The following AMOTL2 variants were observed in gnomAD, a reference collection of about 807,000 sequenced individuals.
The protein encoded by AMOTL2 is angiomotin-like protein 2.
A neutral mutation model predicts 78.4 loss-of-function variants in AMOTL2; 33 were observed. That is an observed-to-expected ratio of 0.42 (90% confidence interval 0.32 to 0.56). The LOEUF is 0.56. Ranked by LOEUF, AMOTL2 falls within the 20% of genes least tolerant of loss-of-function variation. The probability of loss-of-function intolerance (pLI) is 0.12; values close to 1 mark genes in which losing one functional copy is unlikely to be tolerated. For missense variants in AMOTL2, 983 were observed against 1,030.1 expected (o/e 0.95, Z 0.63); for synonymous variants, 422 against 428.8 (o/e 0.98, Z 0.20).
upstream of AMOTL2, chr3:134,374,808 C>G (rs1297896296): frequency 1.2e-5 from 12 of 1,042,804 alleles, no homozygotes; most frequent in Non-Finnish European, 1.3e-5. Flanking sequence ...AGTCGCCGAC[C>G]CGCTCTCACC....
At position 134,367,640 on chromosome 3, in the gene AMOTL2, G is replaced by C; in HGVS notation, c.898C>G (p.Gln300Glu). ...PPAVEGPVSAQASSATSGSAH... is the reference protein window; with the variant it reads ...PPAVEGPVSAEASSATSGSAH... The stretch of plus-strand genomic sequence containing the variant: ...CTGCCCGAGGTGGCTGAGGAGGCCT[G>C]GGCACTCACTGGCCCCTCCACAGCA... The change falls in exon 3 of 10, where the codon CAG (glutamine) becomes GAG (glutamate). Residue 300 changes from glutamine to glutamate, a missense_variant. Physicochemically the swap from Gln to Glu is conservative, Grantham distance 29. Coordinates refer to ENST00000249883, the MANE Select transcript of AMOTL2 (RefSeq NM_016201.4). 1 of 1,613,392 alleles carries C rather than the reference G, an allele frequency of 6.2e-7. No individual in the cohort carries two copies. Among genetic ancestry groups the C allele is most frequent in the South Asian group, 1.1e-5 (1 of 91,066 alleles).
chr3:134,363,704 T>C (rs2017474581), intron 5 of AMOTL2, among the ~76,000 whole-genome samples: 2 of 152,164 alleles, frequency 1.3e-5, no homozygotes, highest in Non-Finnish European at 2.9e-5. Flanking sequence ...GCATTGGTGA[T>C]AATGGCCACA....
Position 134,357,307 on chromosome 3 carries a change from C to T in AMOTL2, c.*398G>A, listed in dbSNP as rs747507248. 9.4e-6 allele frequency: 2 copies of T among 212,730 alleles called. No individual in the cohort carries two copies. Among genetic ancestry groups the T allele is most frequent in the Non-Finnish European group, 9.6e-6 (1 of 104,336 alleles). 13.2% of individuals were successfully genotyped at this position (212,730 alleles called of 1,614,324 possible). A position where few individuals can be genotyped will look rare whatever the true frequency, so the allele number is the denominator to read the frequency against. On this transcript the variant is annotated 3_prime_UTR_variant, in exon 10 of 10. Transcript: ENST00000249883. ...AGTCCACCTGGTGTCCACGGGCAGCCGTCCGTGGAAATTAGTTCCCCAAAC... is the reference window on the plus strand; with the variant it reads ...AGTCCACCTGGTGTCCACGGGCAGCTGTCCGTGGAAATTAGTTCCCCAAAC...
chr3:134,373,527 T>C, intron 1 of AMOTL2: 1 of 985,598 alleles, frequency 1.0e-6, no homozygotes, highest in Non-Finnish European at 1.2e-6. Flanking sequence ...TCTGCTGCAC[T>C]CGCCCGCTGC....
chr3:134,357,404 G>A lies in AMOTL2; in HGVS notation c.*301C>T, dbSNP rs547850825. ...AGGGAGCTCAGCTCCTTTCTGAGCT[G>A]TCAGTTGCTACCCCAGTAGCAGGCC... On this transcript the variant is annotated 3_prime_UTR_variant, in exon 10 of 10. Coordinates refer to ENST00000249883, the MANE Select transcript of AMOTL2 (RefSeq NM_016201.4). The A allele has an allele frequency of 5.2e-6, 2 of 382,894 alleles. No homozygotes were observed. The highest frequency in any genetic ancestry group is 9.7e-6 in the Non-Finnish European group (2 of 205,170). 23.7% of individuals were successfully genotyped at this position (382,894 alleles called of 1,614,324 possible).
In AMOTL2 at chr3:134,367,870, G is replaced by A. The variant is rs183696520; in HGVS notation, c.735-67C>T. 1,000 of 1,487,192 alleles carry A rather than the reference G, an allele frequency of 6.7e-4. 4 individuals carry two copies. The highest frequency in any genetic ancestry group is 3.4e-4 in the East Asian group (15 of 43,726). The allele number at this position is 1,487,192 out of a possible 1,614,324, so 92.1% of individuals were successfully genotyped here. On this transcript the variant is annotated intron_variant, in intron 2 of 9. Coordinates refer to ENST00000249883, the MANE Select transcript of AMOTL2 (RefSeq NM_016201.4). ...CTCATGGCTCCCACCAGAGCAGCCC[G>A]GGGTCACCCCACTCCTAGGCATACT...
chr3:134,367,396 A>T, intron 3 of AMOTL2, 101 bp downstream of exon 3: 1 of 1,384,532 alleles, frequency 7.2e-7, no homozygotes, highest in Non-Finnish European at 1.0e-6. Context: ...CCAGCCAAAC[A>T]GTTTTCAGGC....
At chr3:134,374,719 C>T (rs915461439), upstream of AMOTL2, 1 of 983,214 alleles carries the variant, frequency 1.0e-6, no homozygotes, top group Non-Finnish European at 1.2e-6. Context: ...CGCGGTGTGT[C>T]CGCCCCTGCC....
At chr3:134,374,074 G>T in intron 1 of AMOTL2, 1 of 216,802 alleles carries the variant, frequency 4.6e-6, no homozygotes, top group Non-Finnish European at 6.2e-6. Flanking sequence ...TGTTGTCTCC[G>T]GAGTCGGCCC....
chr3:134,360,634 C>A (rs1193453524), intron 6 of AMOTL2, among the ~76,000 whole-genome samples: 1 of 152,198 alleles, frequency 6.6e-6, no homozygotes, highest in Non-Finnish European at 1.5e-5. Context: ...ACAGATAATC[C>A]TCCAAACTGG....
Position 134,371,314 on chromosome 3 carries a change from C to A in AMOTL2, c.120G>T (p.Arg40Ser), listed in dbSNP as rs775737244. ...TLLAIQQQAL[R>S]GGAGTGGTGS... is the part of the protein sequence containing the mutation. ...CTGTACCCCCAGTTCCAGCCCCACC[C>A]CTCAGGGCCTGCTGCTGGATGGCTA... The change falls in exon 2 of 10, where the codon AGG (arginine) becomes AGT (serine). Residue 40 changes from arginine (R) to serine (S), a missense_variant. Coordinates refer to ENST00000249883, the MANE Select transcript of AMOTL2 (RefSeq NM_016201.4). The A allele has an allele frequency of 2.5e-5, 41 of 1,612,262 alleles. No homozygotes were observed. In the South Asian group the frequency reaches 3.7e-4, roughly 15 times the overall value.
In AMOTL2 at chr3:134,374,333, C is replaced by T. The variant is rs1035478075; in HGVS notation, c.-62+9G>A. On this transcript the variant is annotated intron_variant, in intron 1 of 9. Coordinates refer to ENST00000249883, the MANE Select transcript of AMOTL2 (RefSeq NM_016201.4). Reference sequence around the variant, plus strand: ...CGCGCTCTCCCGAGCGCCGAGCGGCCTTCCTTACCGCTGCGGCCCGAGGGT... The same window carrying T: ...CGCGCTCTCCCGAGCGCCGAGCGGCTTTCCTTACCGCTGCGGCCCGAGGGT... 8 of 985,170 alleles carry T rather than the reference C, an allele frequency of 8.1e-6. No individual in the cohort carries two copies. The African/African-American group carries it at 1.4e-4, about 17-fold the overall frequency. 61.0% of individuals were successfully genotyped at this position (985,170 alleles called of 1,614,324 possible).
At chr3:134,371,797 C>G in intron 1 of AMOTL2, 1 of 349,360 alleles carries the variant, frequency 2.9e-6, no homozygotes, top group Non-Finnish European at 5.2e-6. Context: ...CAGTGAAAAT[C>G]CTGGTAAACG....
At chr3:134,364,367 T>A (rs968725276) in intron 5 of AMOTL2, among the ~76,000 whole-genome samples, 2 of 151,818 alleles carry the variant, frequency 1.3e-5, no homozygotes, top group African/African-American at 4.8e-5. Flanking sequence ...CCGGCCCCCC[T>A]CTTCTCACCC....
In AMOTL2 at chr3:134,357,505, T is replaced by G. The variant is rs1417291548; in HGVS notation, c.*200A>C. The G allele has an allele frequency of 4.9e-6, 3 of 610,698 alleles. No individual in the cohort carries two copies. Among genetic ancestry groups the G allele is most frequent in the Non-Finnish European group, 8.9e-6 (3 of 338,938 alleles). The allele number at this position is 610,698 out of a possible 1,614,324, so 37.8% of individuals were successfully genotyped here. A position where few individuals can be genotyped will look rare whatever the true frequency, so the allele number is the denominator to read the frequency against. The stretch of plus-strand genomic sequence containing the variant: ...ATGTGGGCTAAGAAGCAGAGTCTTC[T>G]GGGGGTGCCGGTGCTCTCACAGCTC... On this transcript the variant is annotated 3_prime_UTR_variant, in exon 10 of 10. Transcript: ENST00000249883.
rs371556971 is a variant in AMOTL2, at chr3:134,360,338, G to C, written c.1651C>G (p.Gln551Glu). The C allele has an allele frequency of 3.1e-6, 5 of 1,614,186 alleles. No homozygotes were observed. Among genetic ancestry groups the C allele is most frequent in the African/African-American group, 1.3e-5 (1 of 75,064 alleles). Residue 551 changes from glutamine (Q) to glutamate (E), a missense_variant, in exon 7 of 10, where the codon CAA becomes GAA. Physicochemically the swap from Gln to Glu is conservative, Grantham distance 29. Transcript: ENST00000249883. Reference sequence around the variant, plus strand: ...ATCTGCTCCTCCTTCTCTCGCAGTTGTTCTGACAGTCGCAGGGCGCTGAGC... The same window carrying C: ...ATCTGCTCCTCCTTCTCTCGCAGTTCTTCTGACAGTCGCAGGGCGCTGAGC... ...PELSALRLSE[Q>E]LREKEEQILA...
rs775737244 is a variant in AMOTL2 at position 134,371,314 on chromosome 3, C to T, written c.120G>A (p.Arg40=). The T allele has an allele frequency of 6.2e-7, 1 of 1,612,262 alleles. No homozygotes were observed. The highest frequency in any genetic ancestry group is 1.3e-5 in the African/African-American group (1 of 74,930). The part of the protein sequence containing the change: ...TLLAIQQQAL[R]GGAGTGGTGS... Reference sequence around the variant, plus strand: ...CTGTACCCCCAGTTCCAGCCCCACCCCTCAGGGCCTGCTGCTGGATGGCTA... The same window carrying T: ...CTGTACCCCCAGTTCCAGCCCCACCTCTCAGGGCCTGCTGCTGGATGGCTA... Residue 40 remains arginine (R), a synonymous_variant, in exon 2 of 10, where the codon AGG becomes AGA. Transcript: ENST00000249883.
At chr3:134,359,899 C>T (rs902519168) in intron 7 of AMOTL2, among the ~76,000 whole-genome samples, 2 of 152,216 alleles carry the variant, frequency 1.3e-5, no homozygotes, top group African/African-American at 4.8e-5. Flanking sequence ...TAAGAGTCTC[C>T]TGGGCAGACC....
At chr3:134,375,115 C>A, upstream of AMOTL2, 1 of 1,516,300 alleles carries the variant, frequency 6.6e-7, no homozygotes, top group Non-Finnish European at 8.8e-7. Context: ...ACACCTTCGC[C>A]AGCTATTTTA....
Sources: gnomAD v4.1 joint callset for allele counts (sites outside exome capture counted in the v4.1 genomes callset) on GRCh38, gnomAD v4.1.1 for gene constraint, MANE v1.5 for transcripts, NCBI Gene and HGNC (gene_info 2026-07-23, HGNC 2026-07-21) for gene names.